KIFC3: variants seen among roughly 807,000 people sequenced by gnomAD.
KIFC3 encodes the protein kinesin-like protein KIFC3.
In KIFC3, 60 loss-of-function variants were observed where a neutral mutation model predicts 101.8. That is an observed-to-expected ratio of 0.59 (90% CI 0.48 to 0.73). The LOEUF (loss-of-function observed/expected upper bound fraction) is 0.73, where lower values mean the gene tolerates loss of function less well. KIFC3 is among the 30% of genes least tolerant of loss of function. The probability of loss-of-function intolerance (pLI) is 0.00; values close to 1 mark genes in which losing one functional copy is unlikely to be tolerated. For synonymous variants in KIFC3, 476 were observed against 482.7 expected, an observed-to-expected ratio of 0.99 and a Z score of 0.18; for missense variants, 966 against 1,137.1, an observed-to-expected ratio of 0.85 and a Z score of 2.16.
At chr16:57,818,986 A>T (rs2055292244) in intron 1 of KIFC3, among the ~76,000 whole-genome samples, 1 of 152,198 alleles carries the variant, frequency 6.6e-6, no homozygotes, top group Non-Finnish European at 1.5e-5. Context: ...CTCACAGCTC[A>T]CAGCTGAGCC....
Position 57,758,624 on chromosome 16 carries a change from C to T in KIFC3, c.*310G>A. ...GAGAGGCCCACCCTCCTCCACACTC[C>T]CGCCCTCCTCACGGGGCCCAGTTCG... is the stretch of plus-strand genomic sequence containing the variant. On this transcript the variant is annotated 3_prime_UTR_variant, in exon 20 of 20. Transcript: ENST00000445690. 1.4e-6 allele frequency: 1 copy of T among 696,192 alleles called. No individual in the cohort carries two copies. Among genetic ancestry groups the T allele is most frequent in the South Asian group, 1.5e-5 (1 of 66,700 alleles). The allele number at this position is 696,192 out of a possible 1,614,324, so 43.1% of individuals were successfully genotyped here. A position where few individuals can be genotyped will look rare whatever the true frequency, so the allele number is the denominator to read the frequency against.
At chr16:57,775,037 G>C in intron 3 of KIFC3, 1 of 1,526,900 alleles carries the variant, frequency 6.5e-7, no homozygotes. Context: ...CAGGGAGAGT[G>C]GGGTTTGCCA....
At chr16:57,798,325 C>T in intron 1 of KIFC3, 43 bp from the exon 2 acceptor site, 1 of 1,505,094 alleles carries the variant, frequency 6.6e-7, no homozygotes, top group Non-Finnish European at 9.0e-7. Context: ...GACCGTGGAC[C>T]AGCACAACTG....
At chr16:57,846,430 G>A (rs771094991) in intron 1 of KIFC3, 5 of 152,360 alleles carry the variant, frequency 3.3e-5, no homozygotes, top group Non-Finnish European at 5.9e-5. Flanking sequence ...TGAAGAAGGC[G>A]GATGGTGGAG....
intron 1 of KIFC3, among the ~76,000 whole-genome samples, chr16:57,835,548 A>G (rs1408651374): frequency 6.6e-6 from 1 of 152,214 alleles, no homozygotes; most frequent in Non-Finnish European, 1.5e-5. Context: ...AGAACAACCC[A>G]ATGAGGAAAG....
chr16:57,853,585 A>G lies in KIFC3; in HGVS notation c.108+9144T>C, dbSNP rs557093556. Among the ~76,000 whole-genome samples, 5 of 152,310 alleles carry G rather than the reference A, an allele frequency of 3.3e-5. No individual in the cohort carries two copies. In the East Asian group the frequency reaches 9.6e-4, roughly 29 times the overall value. ...CACATTAAGTGTAAATAGTCTAAATACACCAACTAAAAGAATTTTTTAATT... is the reference window on the plus strand; with the variant it reads ...CACATTAAGTGTAAATAGTCTAAATGCACCAACTAAAAGAATTTTTTAATT... On this transcript the variant is annotated intron_variant, in intron 1 of 2. Transcript: ENST00000563028.
intron 1 of KIFC3, among the ~76,000 whole-genome samples, chr16:57,843,048 G>C (rs1457065927): frequency 6.6e-6 from 1 of 152,026 alleles, no homozygotes; most frequent in Non-Finnish European, 1.5e-5. Context: ...CATAAGAATT[G>C]TTTGAACCCA....
In KIFC3 at chr16:57,862,708, C is replaced by T. The variant is rs1177063010; in HGVS notation, c.108+21G>A. 5.9e-6 allele frequency: 7 copies of T among 1,183,228 alleles called. No homozygotes were observed. The Admixed American group carries it at 1.4e-4, about 24-fold the overall frequency. 73.3% of individuals were successfully genotyped at this position (1,183,228 alleles called of 1,614,324 possible). ...GCCTCCTCCTCCCATTCCCACTGCC[C>T]CAACCCAGCCAGGCCCTTACCTTGC... is the stretch of plus-strand genomic sequence containing the variant. On this transcript the variant is annotated intron_variant, in intron 1 of 2. Transcript: ENST00000563028.
chr16:57,795,765 A>G (rs1431666372), intron 2 of KIFC3, among the ~76,000 whole-genome samples: 6 of 151,858 alleles, frequency 4.0e-5, no homozygotes, highest in African/African-American at 1.5e-4. Context: ...GGCCAGCCTC[A>G]CGAGTCATGA....
intron 10 of KIFC3, among the ~76,000 whole-genome samples, chr16:57,766,145 G>A (rs782197948): frequency 1.3e-5 from 2 of 152,226 alleles, no homozygotes; most frequent in Non-Finnish European, 2.9e-5. Flanking sequence ...CTGGCAGCAT[G>A]AGCTGGTCAT....
At chr16:57,831,512 G>A (rs782674445) in intron 1 of KIFC3, among the ~76,000 whole-genome samples, 16 of 152,150 alleles carry the variant, frequency 1.1e-4, no homozygotes, top group Middle Eastern at 3.4e-3. Flanking sequence ...ACAAGACCCC[G>A]GTCTCTATAC....
chr16:57,759,924 C>T, intron 17 of KIFC3, 88 bp from the exon 18 acceptor site: 1 of 963,062 alleles, frequency 1.0e-6, no homozygotes, highest in Non-Finnish European at 1.5e-6. Flanking sequence ...CCTGCCCTGC[C>T]TCCTAACACC....
chr16:57,815,843 C>T (rs1177878888), intron 1 of KIFC3, among the ~76,000 whole-genome samples: 3 of 152,222 alleles, frequency 2.0e-5, no homozygotes, highest in African/African-American at 4.8e-5. Context: ...TCCTGCCACT[C>T]CCCCACCTCA....
intron 18 of KIFC3, chr16:57,759,415 T>G: frequency 1.7e-6 from 1 of 592,336 alleles, no homozygotes; most frequent in Non-Finnish European, 3.0e-6. Context: ...GGAGGGGGCT[T>G]ACTGCACAGG....
At chr16:57,786,484 G>A (rs2053334637) in intron 3 of KIFC3, among the ~76,000 whole-genome samples, 1 of 151,850 alleles carries the variant, frequency 6.6e-6, no homozygotes, top group African/African-American at 2.4e-5. Flanking sequence ...GGTCTTTGCA[G>A]GTAGGGAGCA....
intron 3 of KIFC3, chr16:57,782,125 G>A: frequency 1.0e-6 from 1 of 985,448 alleles, no homozygotes; most frequent in Non-Finnish European, 1.2e-6. Flanking sequence ...GGAGACCAGG[G>A]CACACGGGAG....
intron 1 of KIFC3, among the ~76,000 whole-genome samples, chr16:57,820,036 T>G (rs1053511567): frequency 2.0e-5 from 3 of 151,774 alleles, no homozygotes; most frequent in Non-Finnish European, 2.9e-5. Context: ...CCCGGCTAAT[T>G]TTTTGTATTT....
chr16:57,761,875 A>G (rs1174978911), intron 13 of KIFC3, among the ~76,000 whole-genome samples: 2 of 151,866 alleles, frequency 1.3e-5, no homozygotes, highest in African/African-American at 4.8e-5. Flanking sequence ...CTGAGTCAGG[A>G]CTTGCAGCCA....
At chr16:57,798,485 C>T (rs2054517199) in intron 1 of KIFC3, 1 of 597,984 alleles carries the variant, frequency 1.7e-6, no homozygotes, top group South Asian at 2.0e-5. Flanking sequence ...TATTTGTTTC[C>T]GAATACGGAG....
Sources: allele counts gnomAD v4.1 joint callset (sites outside exome capture counted in the v4.1 genomes callset), GRCh38; gene constraint gnomAD v4.1.1; transcripts MANE v1.5; gene names NCBI Gene and HGNC (gene_info 2026-07-23, HGNC 2026-07-21).